Variants in KCNQ1OT1 observed in about 807,000 individuals in gnomAD.
KCNQ1OT1 encodes KCNQ1 antisense RNA 2 (non-protein coding).
chr11:2,672,106 G>T, exon 1 of KCNQ1OT1: 2 of 398,664 alleles, frequency 5.0e-6, no homozygotes, highest in African/African-American at 2.1e-5. Context: ...TGCCCACAGG[G>T]GACCTTTCTT....
rs905083410 is a variant in KCNQ1OT1, at chr11:2,669,037, C to T, written n.30958G>A. 14 of 398,562 alleles carry T rather than the reference C, an allele frequency of 3.5e-5. No individual in the cohort carries two copies. Among genetic ancestry groups the T allele is most frequent in the Non-Finnish European group, 5.3e-5 (12 of 226,122 alleles). The allele number at this position is 398,562 out of a possible 1,614,324, so 24.7% of individuals were successfully genotyped here. On this transcript the variant is annotated non_coding_transcript_exon_variant, in exon 1 of 1. Transcript: ENST00000597346. This position sits in a 1 kb window ranked among gnomAD's most constrained non-coding sequence, Gnocchi z 5.6. ...TGGATATCCAGTCTAGCTCAGCACC[C>T]GGCATGGGAAGGCCCGTCCTCTCCC... is the stretch of plus-strand genomic sequence containing the variant.
chr11:2,673,651 T>C lies in KCNQ1OT1; in HGVS notation n.26344A>G. ...TACTGCTGATGACCACCCTGACTCA[T>C]GTCCCTTGTCTGCATAGGTGTTTTC... is the stretch of plus-strand genomic sequence containing the variant. On this transcript the variant is annotated non_coding_transcript_exon_variant, in exon 1 of 1. Coordinates refer to ENST00000597346, the Ensembl canonical transcript of KCNQ1OT1. This position sits in a 1 kb window ranked among gnomAD's most constrained non-coding sequence, Gnocchi z 4.5. The C allele has an allele frequency of 2.5e-6, 1 of 398,766 alleles. No individual in the cohort carries two copies. The highest frequency in any genetic ancestry group is 4.4e-6 in the Non-Finnish European group (1 of 226,160). The allele number at this position is 398,766 out of a possible 1,614,324, so 24.7% of individuals were successfully genotyped here. A position where few individuals can be genotyped will look rare whatever the true frequency, so the allele number is the denominator to read the frequency against.
chr11:2,688,262 C>T (rs1056645469), exon 1 of KCNQ1OT1: 9 of 398,558 alleles, frequency 2.3e-5, no homozygotes, highest in African/African-American at 1.0e-4. Context: ...GAGAGGGAGG[C>T]GCCATGACCT....
In KCNQ1OT1 at chr11:2,664,368, A is replaced by C. The variant is rs538715267; in HGVS notation, n.35627T>G. 16 of 398,834 alleles carry C rather than the reference A, an allele frequency of 4.0e-5. No homozygotes were observed. The highest frequency in any genetic ancestry group is 7.1e-5 in the Non-Finnish European group (16 of 226,216). 24.7% of individuals were successfully genotyped at this position (398,834 alleles called of 1,614,324 possible). On this transcript the variant is annotated non_coding_transcript_exon_variant, in exon 1 of 1. Coordinates refer to ENST00000597346, the Ensembl canonical transcript of KCNQ1OT1. The surrounding 1 kb of genome is among the most constrained non-coding windows in gnomAD (Gnocchi z 5.1). ...CTGGGTTCCTGCATCCTCAGAAGTC[A>C]GGGTACGGTCCCTCCAGAGAGGCCT...
Position 2,690,111 on chromosome 11 carries a change from AG to A in KCNQ1OT1, n.9883del. On this transcript the variant is annotated non_coding_transcript_exon_variant, in exon 1 of 1. Transcript: ENST00000597346. This position sits in a 1 kb window ranked among gnomAD's most constrained non-coding sequence, Gnocchi z 5.1. Reference sequence around the variant, plus strand: ...CAGGGACAATCGCTCTTCCGGGGTTAGAACTGGGGGAGCAGGGACAAAAAGC... The same window carrying A: ...CAGGGACAATCGCTCTTCCGGGGTTAAACTGGGGGAGCAGGGACAAAAAGC... 2 of 399,008 alleles carry A rather than the reference AG, an allele frequency of 5.0e-6. No homozygotes were observed. Among genetic ancestry groups the A allele is most frequent in the Non-Finnish European group, 8.8e-6 (2 of 226,364 alleles). The allele number at this position is 399,008 out of a possible 1,614,324, so 24.7% of individuals were successfully genotyped here. A position where few individuals can be genotyped will look rare whatever the true frequency, so the allele number is the denominator to read the frequency against.
exon 1 of KCNQ1OT1, chr11:2,646,364 C>G (rs1421260243): frequency 2.5e-6 from 1 of 398,430 alleles, no homozygotes; most frequent in African/African-American, 2.1e-5. Flanking sequence ...AATTTTGTAG[C>G]CTCTTCAATT....
chr11:2,678,833 G>A lies in KCNQ1OT1; in HGVS notation n.21162C>T, dbSNP rs866599575. The A allele has an allele frequency of 1.0e-5, 4 of 398,622 alleles. No homozygotes were observed. The highest frequency in any genetic ancestry group is 6.3e-4 in the Middle Eastern group (1 of 1,588). 24.7% of individuals were successfully genotyped at this position (398,622 alleles called of 1,614,324 possible). A position where few individuals can be genotyped will look rare whatever the true frequency, so the allele number is the denominator to read the frequency against. ...TGTTTCTTCCAAGGCTCACTTCAAG[G>A]AAGGCAGAATCCAGGTCGGGGGTGC... On this transcript the variant is annotated non_coding_transcript_exon_variant, in exon 1 of 1. Coordinates refer to ENST00000597346, the Ensembl canonical transcript of KCNQ1OT1. This position sits in a 1 kb window ranked among gnomAD's most constrained non-coding sequence, Gnocchi z 4.9.
At chr11:2,660,471 C>A (rs1050646638) in exon 1 of KCNQ1OT1, 2 of 398,396 alleles carry the variant, frequency 5.0e-6, no homozygotes, top group Non-Finnish European at 8.8e-6. Flanking sequence ...GGTGAAAAAA[C>A]AGACTGGGGA....
chr11:2,669,262 G>GCTTTGCTGT lies in KCNQ1OT1; in HGVS notation n.30724_30732dup, dbSNP rs1253769685. ...GGCTGCTTCTCCTTCCCCATCACTGGCTTTGCTGTCTTTGCAGGGTTTCTC... is the reference window on the plus strand; with the variant it reads ...GGCTGCTTCTCCTTCCCCATCACTGGCTTTGCTGTCTTTGCTGTCTTTGCAGGGTTTCTC... On this transcript the variant is annotated non_coding_transcript_exon_variant, in exon 1 of 1. Coordinates refer to ENST00000597346, the Ensembl canonical transcript of KCNQ1OT1. The surrounding 1 kb of genome is among the most constrained non-coding windows in gnomAD (Gnocchi z 5.6). 3 of 398,662 alleles carry GCTTTGCTGT rather than the reference G, an allele frequency of 7.5e-6. No homozygotes were observed. The East Asian group carries it at 1.1e-4, about 14-fold the overall frequency. The allele number at this position is 398,662 out of a possible 1,614,324, so 24.7% of individuals were successfully genotyped here.
chr11:2,616,244 A>G (rs1186235900), exon 1 of KCNQ1OT1: 14 of 381,746 alleles, frequency 3.7e-5, no homozygotes, highest in Non-Finnish European at 6.4e-5. Flanking sequence ...TTGTGTTCCT[A>G]CTTTTGTTTA....
chr11:2,641,158 A>C (rs998848025), exon 1 of KCNQ1OT1: 2 of 398,372 alleles, frequency 5.0e-6, no homozygotes, highest in Non-Finnish European at 8.8e-6. Flanking sequence ...TAGTATACTG[A>C]TATCTTTTCC....
In KCNQ1OT1 at chr11:2,674,832, TAAAAAAAAAAAAAAAAA is replaced by T. The variant is rs34219164; in HGVS notation, n.25146_25162del. ...GCTTGTCACCCTAATAGCTGTTTTT[TAAAAAAAAAAAAAAAAA>T]AAAAAAAAAAAGCTCACTGGGCACC... is the stretch of plus-strand genomic sequence containing the variant. On this transcript the variant is annotated non_coding_transcript_exon_variant, in exon 1 of 1. Coordinates refer to ENST00000597346, the Ensembl canonical transcript of KCNQ1OT1. The surrounding 1 kb of genome is among the most constrained non-coding windows in gnomAD (Gnocchi z 5.9). 69 of 303,900 alleles carry T rather than the reference TAAAAAAAAAAAAAAAAA, an allele frequency of 2.3e-4. No homozygotes were observed. In the East Asian group the frequency reaches 3.0e-3, roughly 13 times the overall value. 18.8% of individuals were successfully genotyped at this position (303,900 alleles called of 1,614,324 possible). A position where few individuals can be genotyped will look rare whatever the true frequency, so the allele number is the denominator to read the frequency against.
chr11:2,630,550 T>C, exon 1 of KCNQ1OT1: 1 of 398,354 alleles, frequency 2.5e-6, no homozygotes, highest in Non-Finnish European at 4.4e-6. Context: ...ATTGAGAAAT[T>C]ATGAAAACAA....
exon 1 of KCNQ1OT1, chr11:2,648,984 T>TTTC (rs1554902181): frequency 4.7e-5 from 2 of 42,170 alleles, no homozygotes; most frequent in East Asian, 2.7e-3. Flanking sequence ...TCTTTTTCTT[T>TTTC]TTTTTTTTTT....
rs1165582932 is a variant in KCNQ1OT1, at chr11:2,647,965, G to A, written n.52030C>T. 3 of 397,528 alleles carry A rather than the reference G, an allele frequency of 7.5e-6. No homozygotes were observed. Among genetic ancestry groups the A allele is most frequent in the Non-Finnish European group, 1.3e-5 (3 of 225,970 alleles). The allele number at this position is 397,528 out of a possible 1,614,324, so 24.6% of individuals were successfully genotyped here. A position where few individuals can be genotyped will look rare whatever the true frequency, so the allele number is the denominator to read the frequency against. On this transcript the variant is annotated non_coding_transcript_exon_variant, in exon 1 of 1. Coordinates refer to ENST00000597346, the Ensembl canonical transcript of KCNQ1OT1. The surrounding 1 kb of genome is among the most constrained non-coding windows in gnomAD (Gnocchi z 4.0). ...TTGTTGGCTCACACCTGTAAACCCA[G>A]TACTTTGGAAGGCCAAGGCAGGCCG... is the stretch of plus-strand genomic sequence containing the variant.
chr11:2,669,580 A>G lies in KCNQ1OT1; in HGVS notation n.30415T>C, dbSNP rs1376787484. 5 of 398,490 alleles carry G rather than the reference A, an allele frequency of 1.3e-5. No individual in the cohort carries two copies. The highest frequency in any genetic ancestry group is 6.2e-5 in the African/African-American group (3 of 48,616). The allele number at this position is 398,490 out of a possible 1,614,324, so 24.7% of individuals were successfully genotyped here. On this transcript the variant is annotated non_coding_transcript_exon_variant, in exon 1 of 1. Transcript: ENST00000597346. The surrounding 1 kb of genome is among the most constrained non-coding windows in gnomAD (Gnocchi z 5.6). ...AGCCCTGGCCAGCTTGGGTCATTTC[A>G]TCCTGCCCACAGGACACTGGGGCAG...
At position 2,668,019 on chromosome 11, in the gene KCNQ1OT1, T is replaced by C; in HGVS notation, n.31976A>G. ...TGAGATTAACCACAGGCCTAACTGCTAGCAGCAAGGACCAGCTTTGCCCAC... is the reference window on the plus strand; with the variant it reads ...TGAGATTAACCACAGGCCTAACTGCCAGCAGCAAGGACCAGCTTTGCCCAC... On this transcript the variant is annotated non_coding_transcript_exon_variant, in exon 1 of 1. Transcript: ENST00000597346. This position sits in a 1 kb window ranked among gnomAD's most constrained non-coding sequence, Gnocchi z 4.3. The C allele has an allele frequency of 2.5e-6, 1 of 398,634 alleles. No individual in the cohort carries two copies. Among genetic ancestry groups the C allele is most frequent in the Non-Finnish European group, 4.4e-6 (1 of 226,076 alleles). 24.7% of individuals were successfully genotyped at this position (398,634 alleles called of 1,614,324 possible).
In KCNQ1OT1 at chr11:2,611,991, T is replaced by TA. The variant is rs1408719226; in HGVS notation, n.88003_88004insT. ...TATTCTCTCCTTCTCAGTACTCTTA[T>TA]TAACACATATGTTGTTACTCCTTAA... On this transcript the variant is annotated non_coding_transcript_exon_variant, in exon 1 of 1. Coordinates refer to ENST00000597346, the Ensembl canonical transcript of KCNQ1OT1. This position sits in a 1 kb window ranked among gnomAD's most constrained non-coding sequence, Gnocchi z 5.3. 6 of 398,670 alleles carry TA rather than the reference T, an allele frequency of 1.5e-5. No individual in the cohort carries two copies. The East Asian group carries it at 2.1e-4, about 14-fold the overall frequency. 24.7% of individuals were successfully genotyped at this position (398,670 alleles called of 1,614,324 possible).
chr11:2,608,335 T>C lies in KCNQ1OT1; in HGVS notation n.91660A>G, dbSNP rs1848914406. On this transcript the variant is annotated non_coding_transcript_exon_variant, in exon 1 of 1. Transcript: ENST00000597346. The surrounding 1 kb of genome is among the most constrained non-coding windows in gnomAD (Gnocchi z 4.6). ...CATTTTCTACTTATTTCTTAGTCAGTTTTCATAGTTTTCATCTTTCTAGGA... is the reference window on the plus strand; with the variant it reads ...CATTTTCTACTTATTTCTTAGTCAGCTTTCATAGTTTTCATCTTTCTAGGA... The C allele has an allele frequency of 2.5e-6, 1 of 398,528 alleles. No homozygotes were observed. Among genetic ancestry groups the C allele is most frequent in the Non-Finnish European group, 4.4e-6 (1 of 226,050 alleles). 24.7% of individuals were successfully genotyped at this position (398,528 alleles called of 1,614,324 possible).
Sources: allele counts gnomAD v4.1 joint callset, GRCh38; gene constraint gnomAD v4.1.1; non-coding constraint Gnocchi (gnomAD v3.1); transcripts MANE v1.5; gene names NCBI Gene and HGNC (gene_info 2026-07-23, HGNC 2026-07-21).